Variants in MEGF11 observed in about 807,000 individuals in gnomAD.
The protein encoded by MEGF11 is multiple EGF like domains 11.
Under a neutral mutation model 146.6 loss-of-function variants are expected in MEGF11, and 126 were observed. The ratio of observed to expected loss-of-function variants is 0.86; its 90% CI spans 0.74 to 1.00. MEGF11 has a LOEUF of 1.00. MEGF11 is among the 50% of genes least tolerant of loss of function. The pLI, the probability that MEGF11 is intolerant of heterozygous loss-of-function variation, is 0.00. For missense variants in MEGF11, 1,509 were observed against 1,521.2 expected (o/e 0.99, Z 0.13); for synonymous variants, 532 against 583.4 (o/e 0.91, Z 1.27).
intron 4 of MEGF11, among the ~76,000 whole-genome samples, chr15:66,101,745 C>T (rs910300014): frequency 6.6e-6 from 1 of 152,192 alleles, no homozygotes; most frequent in Non-Finnish European, 1.5e-5. Flanking sequence ...TGAGCCATGC[C>T]CATCTGGCTG....
At chr15:66,050,722 G>C (rs2084414503) in intron 5 of MEGF11, among the ~76,000 whole-genome samples, 1 of 152,208 alleles carries the variant, frequency 6.6e-6, no homozygotes. Context: ...AGGAGACTCT[G>C]GCTGTAATCC....
chr15:66,208,880 A>T (rs796479519), intron 1 of MEGF11, among the ~76,000 whole-genome samples: 1 of 152,126 alleles, frequency 6.6e-6, no homozygotes, highest in African/African-American at 2.4e-5. Context: ...TCCATCTCAA[A>T]AAAGTAAAAA....
chr15:66,040,355 G>C (rs963477807), intron 5 of MEGF11: 1 of 154,750 alleles, frequency 6.5e-6, no homozygotes, highest in Non-Finnish European at 1.5e-5. Flanking sequence ...GGTGGTGGCT[G>C]CAGAAAGTGA....
chr15:66,024,045 T>C (rs1759434703), intron 5 of MEGF11, among the ~76,000 whole-genome samples: 1 of 152,162 alleles, frequency 6.6e-6, no homozygotes, highest in South Asian at 2.1e-4. Context: ...GTGGGTGGGC[T>C]GAGCAGTGGG....
At chr15:66,186,631 G>A (rs117316219) in intron 1 of MEGF11, among the ~76,000 whole-genome samples, 4 of 152,300 alleles carry the variant, frequency 2.6e-5, no homozygotes, top group Admixed American at 1.3e-4. Flanking sequence ...GTCCATCACC[G>A]AGTGGTCCTG....
intron 1 of MEGF11, among the ~76,000 whole-genome samples, chr15:66,229,915 G>C (rs2091933859): frequency 6.6e-6 from 1 of 152,234 alleles, no homozygotes. Context: ...TTGGTCTCAA[G>C]CTCTGTTTGT....
chr15:66,196,978 A>C (rs2091024343), intron 1 of MEGF11, among the ~76,000 whole-genome samples: 1 of 151,286 alleles, frequency 6.6e-6, no homozygotes, highest in Non-Finnish European at 1.5e-5. Context: ...TGGTAAATAA[A>C]TATGGAAATC....
At chr15:65,914,205 CAATA>C in intron 19 of MEGF11, 1 of 567,078 alleles carries the variant, frequency 1.8e-6, no homozygotes, top group Non-Finnish European at 3.1e-6. Flanking sequence ...CGATGTGAAA[CAATA>C]AATATTATTT....
intron 5 of MEGF11, among the ~76,000 whole-genome samples, chr15:66,082,313 C>T (rs1461545680): frequency 2.7e-5 from 4 of 150,212 alleles, no homozygotes; most frequent in Admixed American, 6.6e-5. Context: ...GTTGGCCAGG[C>T]GTGGTGGCTC....
chr15:66,246,778 T>A (rs12902078), intron 1 of MEGF11, among the ~76,000 whole-genome samples: 1 of 152,044 alleles, frequency 6.6e-6, no homozygotes, highest in Non-Finnish European at 1.5e-5. Flanking sequence ...ACCACTGCAC[T>A]CCAGCCTGGG....
intron 10 of MEGF11, among the ~76,000 whole-genome samples, chr15:65,956,493 C>G (rs2080644264): frequency 1.3e-5 from 2 of 152,216 alleles, no homozygotes; most frequent in Non-Finnish European, 2.9e-5. Flanking sequence ...GGTTGAATCA[C>G]TGGTCCAAGG....
At chr15:65,969,456 C>T (rs1004869176) in intron 8 of MEGF11, among the ~76,000 whole-genome samples, 7 of 152,176 alleles carry the variant, frequency 4.6e-5, no homozygotes, top group African/African-American at 1.4e-4. Flanking sequence ...ACCCCACGTT[C>T]TATGCTGGGG....
chr15:66,181,116 A>T (rs1217536424), intron 1 of MEGF11, among the ~76,000 whole-genome samples: 1 of 152,286 alleles, frequency 6.6e-6, no homozygotes, highest in Non-Finnish European at 1.5e-5. Context: ...TTATTATTAG[A>T]AACAAAGTAA....
chr15:66,185,143 G>A (rs1027113833), intron 1 of MEGF11, among the ~76,000 whole-genome samples: 1 of 152,006 alleles, frequency 6.6e-6, no homozygotes, highest in Non-Finnish European at 1.5e-5. Context: ...TCCTCCAAAG[G>A]GGCCATGGTC....
chr15:65,900,608 A>G (rs893872379), intron 24 of MEGF11, among the ~76,000 whole-genome samples: 37 of 152,066 alleles, frequency 2.4e-4, no homozygotes, highest in African/African-American at 8.2e-4. Flanking sequence ...AGGTAGAGCA[A>G]TAATTCTCTC....
chr15:66,037,646 C>T (rs1044841027), intron 5 of MEGF11, among the ~76,000 whole-genome samples: 3 of 152,210 alleles, frequency 2.0e-5, no homozygotes, highest in African/African-American at 7.2e-5. Flanking sequence ...AGCTCTGAAA[C>T]TCAATTGGGG....
At chr15:65,942,876 T>C (rs557915435) in intron 10 of MEGF11, among the ~76,000 whole-genome samples, 1 of 151,816 alleles carries the variant, frequency 6.6e-6, no homozygotes, top group African/African-American at 2.4e-5. Context: ...TGGGCAATCA[T>C]TGACAGCATA....
rs143245174 is a variant in MEGF11, at chr15:66,201,237, C to G, written c.-9+52368G>C. 2.4e-4 allele frequency among the ~76,000 whole-genome samples: 36 copies of G among 152,308 alleles called. 1 individual carries two copies. The East Asian group carries it at 5.8e-3, about 25-fold the overall frequency. ...ACAAGTCCAGCTCACCTATCCCTCTCGCCCTGTTCTTCCTCCAGGCCTCAG... is the reference window on the plus strand; with the variant it reads ...ACAAGTCCAGCTCACCTATCCCTCTGGCCCTGTTCTTCCTCCAGGCCTCAG... On this transcript the variant is annotated intron_variant, in intron 1 of 25. Transcript: ENST00000395614.
chr15:66,232,436 G>A lies in MEGF11; in HGVS notation c.-9+21169C>T, dbSNP rs187470211. The stretch of plus-strand genomic sequence containing the variant: ...AGAGACTCAGCATTCCAAGTCCCCG[G>A]GGAGCTCTGGACAGCCTTGTGCCAT... On this transcript the variant is annotated intron_variant, in intron 1 of 25. Coordinates refer to ENST00000395614, the MANE Select transcript of MEGF11 (RefSeq NM_001385028.1). Among the ~76,000 whole-genome samples the A allele has an allele frequency of 2.5e-3, 388 of 152,226 alleles. 2 individuals carry two copies. Among genetic ancestry groups the A allele is most frequent in the Non-Finnish European group, 4.7e-3 (319 of 68,006 alleles).
Sources: allele counts gnomAD v4.1 joint callset (sites outside exome capture counted in the v4.1 genomes callset), GRCh38; gene constraint gnomAD v4.1.1; transcripts MANE v1.5; gene names NCBI Gene and HGNC (gene_info 2026-07-23, HGNC 2026-07-21).